The following MUL1 variants were observed in gnomAD, a reference collection of about 807,000 sequenced individuals.
MUL1 encodes mitochondrial E3 ubiquitin protein ligase 1, also known as mitochondrial ubiquitin ligase activator of NFKB 1.
Under a neutral mutation model 34.1 loss-of-function variants are expected in MUL1, and 30 were observed. The ratio of observed to expected loss-of-function variants is 0.88; its 90% CI spans 0.66 to 1.19. MUL1 has a LOEUF of 1.19. Among genes scored for constraint, MUL1 ranks in the 50% most tolerant of loss-of-function variants. MUL1 has a pLI of 0.00. For synonymous variants in MUL1, 191 were observed against 187.8 expected (o/e 1.02, Z -0.14); for missense variants, 419 against 450.5 (o/e 0.93, Z 0.63).
intron 2 of MUL1, 134 bp from the exon 3 acceptor site, chr1:20,502,323 A>G: frequency 8.2e-7 from 1 of 1,218,170 alleles, no homozygotes; most frequent in Non-Finnish European, 1.2e-6. Flanking sequence ...CCAAGTCAGA[A>G]GGATCACTTG....
Position 20,503,299 on chromosome 1 carries a change from T to C in MUL1, c.131A>G (p.Lys44Arg). The part of the protein sequence containing the change: ...RVSQELKGAK[K>R]VHLGEDLKSI... Reference sequence around the variant, plus strand: ...CTTTAAATCTTCACCCAAATGAACTTTTTTAGCTCCCTAAATAAAAAAAAA... The same window carrying C: ...CTTTAAATCTTCACCCAAATGAACTCTTTTAGCTCCCTAAATAAAAAAAAA... Residue 44 changes from lysine (K) to arginine (R), a missense_variant, in exon 2 of 4, where the codon AAA becomes AGA. Transcript: ENST00000264198. 1 of 1,595,820 alleles carries C rather than the reference T, an allele frequency of 6.3e-7. No individual in the cohort carries two copies. The highest frequency in any genetic ancestry group is 8.5e-7 in the Non-Finnish European group (1 of 1,172,214).
Position 20,502,068 on chromosome 1 carries a change from C to T in MUL1, c.329+1G>A, listed in dbSNP as rs777932936. Reference sequence around the variant, plus strand: ...TTGGCCAGTGGAGAAGTGATACATACCAAAGGTGGGTGGTTCGATTCCACA... The same window carrying T: ...TTGGCCAGTGGAGAAGTGATACATATCAAAGGTGGGTGGTTCGATTCCACA... On this transcript the variant is annotated splice_donor_variant, in intron 3 of 3. Coordinates refer to ENST00000264198, the MANE Select transcript of MUL1 (RefSeq NM_024544.3). LOFTEE classifies it high-confidence loss of function. The T allele has an allele frequency of 6.2e-7, 1 of 1,613,388 alleles. No individual in the cohort carries two copies. Among genetic ancestry groups the T allele is most frequent in the Non-Finnish European group, 8.5e-7 (1 of 1,179,960 alleles).
At position 20,500,339 on chromosome 1, in the gene MUL1, A is replaced by G. The variant is rs902291048; in HGVS notation, c.*351T>C. On this transcript the variant is annotated 3_prime_UTR_variant, in exon 4 of 4. Transcript: ENST00000264198. ...AGCAAGCAACGATTCACCAGAAAAAAACAGAAGACACAGGAACAGAAGAGC... is the reference window on the plus strand; with the variant it reads ...AGCAAGCAACGATTCACCAGAAAAAGACAGAAGACACAGGAACAGAAGAGC... 5.5e-6 allele frequency: 1 copy of G among 181,766 alleles called. No individual in the cohort carries two copies. The highest frequency in any genetic ancestry group is 1.1e-5 in the Non-Finnish European group (1 of 87,684). The allele number at this position is 181,766 out of a possible 1,614,324, so 11.3% of individuals were successfully genotyped here.
At chr1:20,502,038 G>A (rs374090600) in intron 3 of MUL1, 31 bp downstream of exon 3, 7 of 1,612,064 alleles carry the variant, frequency 4.3e-6, no homozygotes, top group Non-Finnish European at 5.9e-6. Context: ...CCAACTGCAA[G>A]GGTTTTGGCC....
intron 1 of MUL1, among the ~76,000 whole-genome samples, chr1:20,504,991 A>G (rs2051698996): frequency 6.6e-6 from 1 of 152,162 alleles, no homozygotes; most frequent in South Asian, 2.1e-4. Flanking sequence ...TTCGAATTTT[A>G]AAGGGGGAAG....
In MUL1 at chr1:20,500,634, A is replaced by G. The variant is rs895824554; in HGVS notation, c.*56T>C. 3 of 1,513,232 alleles carry G rather than the reference A, an allele frequency of 2.0e-6. No homozygotes were observed. Among genetic ancestry groups the G allele is most frequent in the Non-Finnish European group, 2.6e-6 (3 of 1,132,408 alleles). The allele number at this position is 1,513,232 out of a possible 1,614,324, so 93.7% of individuals were successfully genotyped here. A position where few individuals can be genotyped will look rare whatever the true frequency, so the allele number is the denominator to read the frequency against. ...CTCCTCCAAAGGCCTCGAGATAAAA[A>G]TCCCTGAAAAGGGGGCAGGGGTGCT... is the stretch of plus-strand genomic sequence containing the variant. On this transcript the variant is annotated 3_prime_UTR_variant, in exon 4 of 4. Coordinates refer to ENST00000264198, the MANE Select transcript of MUL1 (RefSeq NM_024544.3).
At chr1:20,506,073 C>T (rs1203577260) in intron 1 of MUL1, among the ~76,000 whole-genome samples, 1 of 152,160 alleles carries the variant, frequency 6.6e-6, no homozygotes, top group Non-Finnish European at 1.5e-5. Context: ...GGAGTTCACA[C>T]ATTGGTTTCT....
intron 1 of MUL1, among the ~76,000 whole-genome samples, chr1:20,505,181 C>T (rs897848785): frequency 2.6e-5 from 4 of 152,094 alleles, no homozygotes; most frequent in South Asian, 4.1e-4. Context: ...GAATCCAGCC[C>T]GGGGGCTGGC....
chr1:20,507,834 G>A (rs2051731823), intron 1 of MUL1, 71 bp downstream of exon 1: 10 of 1,535,672 alleles, frequency 6.5e-6, no homozygotes, highest in South Asian at 1.2e-5. Flanking sequence ...GGCGGCCAAG[G>A]TGAATCATGG....
chr1:20,505,516 G>A (rs544972158), intron 1 of MUL1, among the ~76,000 whole-genome samples: 1 of 146,712 alleles, frequency 6.8e-6, no homozygotes, highest in African/African-American at 2.5e-5. Context: ...CTGGGAGCTC[G>A]AGGCTGCAAT....
chr1:20,508,011 C>A lies in MUL1; in HGVS notation c.14G>T (p.Gly5Val), dbSNP rs774977145. MESGGRPSLCQFILL... is the reference protein window; with the variant it reads MESGVRPSLCQFILL... ...GATGAACTGGCACAGCGAGGGCCGC[C>A]CTCCGCTCTCCATGACGGCGGCGAG... The change falls in exon 1 of 4, where the codon GGG becomes GTG. Residue 5 changes from glycine to valine, a missense_variant. Coordinates refer to ENST00000264198, the MANE Select transcript of MUL1 (RefSeq NM_024544.3). 1 of 1,584,824 alleles carries A rather than the reference C, an allele frequency of 6.3e-7. No individual in the cohort carries two copies. The highest frequency in any genetic ancestry group is 1.2e-5 in the South Asian group (1 of 86,586).
rs1413677338 is a variant in MUL1 at position 20,501,595 on chromosome 1, C to T, written c.330-176G>A. Among the ~76,000 whole-genome samples, 2 of 152,132 alleles carry T rather than the reference C, an allele frequency of 1.3e-5. No homozygotes were observed. The highest frequency in any genetic ancestry group is 2.9e-5 in the Non-Finnish European group (2 of 68,028). On this transcript the variant is annotated intron_variant, in intron 3 of 3. Transcript: ENST00000264198. This position sits in a 1 kb window ranked among gnomAD's most constrained non-coding sequence, Gnocchi z 4.2. Reference sequence around the variant, plus strand: ...GAGGCTCCATTTGTAGGTCCTGGGGCGATATCAGTGGGCAACAAATAACCG... The same window carrying T: ...GAGGCTCCATTTGTAGGTCCTGGGGTGATATCAGTGGGCAACAAATAACCG...
chr1:20,503,303 T>G lies in MUL1; in HGVS notation c.127A>C (p.Lys43Gln). ...AAATCTTCACCCAAATGAACTTTTT[T>G]AGCTCCCTAAATAAAAAAAAAAAAT... ...ARVSQELKGA[K>Q]KVHLGEDLKS... Residue 43 changes from lysine to glutamine, a missense_variant, in exon 2 of 4, where the codon AAA (lysine) becomes CAA (glutamine). Transcript: ENST00000264198. 1 of 1,593,812 alleles carries G rather than the reference T, an allele frequency of 6.3e-7. No homozygotes were observed. The highest frequency in any genetic ancestry group is 1.2e-5 in the South Asian group (1 of 86,710).
At chr1:20,506,869 A>T (rs1169139376) in intron 1 of MUL1, among the ~76,000 whole-genome samples, 2 of 127,100 alleles carry the variant, frequency 1.6e-5, no homozygotes, top group Non-Finnish European at 3.8e-5. Context: ...AAGAAAAAGA[A>T]AAAGAAAAGA....
chr1:20,503,568 C>A (rs894000650), intron 1 of MUL1, among the ~76,000 whole-genome samples: 1 of 152,142 alleles, frequency 6.6e-6, no homozygotes, highest in Non-Finnish European at 1.5e-5. Context: ...AACCTATACT[C>A]CTTTTCATGT....
chr1:20,505,794 A>G (rs770459916), intron 1 of MUL1, among the ~76,000 whole-genome samples: 19 of 152,102 alleles, frequency 1.2e-4, no homozygotes, highest in Non-Finnish European at 2.2e-4. Flanking sequence ...ACTGTTTGGC[A>G]AAGGTTTTAA....
intron 1 of MUL1, among the ~76,000 whole-genome samples, chr1:20,505,317 G>A (rs113476027): frequency 6.6e-6 from 1 of 152,076 alleles, no homozygotes; most frequent in African/African-American, 2.4e-5. Context: ...AGGCATGGTA[G>A]CTCACACCTG....
At position 20,501,217 on chromosome 1, in the gene MUL1, G is replaced by C; in HGVS notation, c.532C>G (p.Arg178Gly). ...TCGGTCTCTTGGATGCCTTTGGGCC[G>C]CTCACCGCTGATGTAGTGGCCGATG... ...DVIGHYISGERPKGIQETEEM... is the reference protein window; with the variant it reads ...DVIGHYISGEGPKGIQETEEM... The change falls in exon 4 of 4, where the codon CGG (arginine) becomes GGG (glycine). Residue 178 changes from arginine (R) to glycine (G), a missense_variant. Arg to Gly is a moderately radical substitution (Grantham distance 125). Transcript: ENST00000264198. The surrounding 1 kb of genome is among the most constrained non-coding windows in gnomAD (Gnocchi z 4.2). The C allele has an allele frequency of 1.2e-6, 2 of 1,614,164 alleles. No individual in the cohort carries two copies. Among genetic ancestry groups the C allele is most frequent in the Non-Finnish European group, 1.7e-6 (2 of 1,180,024 alleles).
chr1:20,502,559 A>G (rs2051673113), intron 2 of MUL1, among the ~76,000 whole-genome samples: 1 of 152,144 alleles, frequency 6.6e-6, no homozygotes, highest in Admixed American at 6.6e-5. Context: ...TTTGAGACGG[A>G]GTCTCACTCT....
Sources: gnomAD v4.1 joint callset for allele counts (sites outside exome capture counted in the v4.1 genomes callset) on GRCh38, gnomAD v4.1.1 for gene constraint, Gnocchi (gnomAD v3.1) non-coding constraint, MANE v1.5 for transcripts, NCBI Gene and HGNC (gene_info 2026-07-23, HGNC 2026-07-21) for gene names.